Variants in HIVEP3 observed in about 807,000 individuals in gnomAD.
The protein encoded by HIVEP3 is HIVEP zinc finger 3.
HIVEP3 carries 49 observed loss-of-function variants against 152.8 expected under a neutral mutation model. That is an observed-to-expected ratio of 0.32 (90% confidence interval 0.26 to 0.41). The LOEUF is 0.41. HIVEP3 is among the 10% of genes least tolerant of loss of function. The pLI is 1.00. For missense variants in HIVEP3, 2,790 were observed against 3,103.3 expected (o/e 0.90, Z 2.40); for synonymous variants, 1,269 against 1,289.0 (o/e 0.98, Z 0.33).
At chr1:41,797,927 C>A (rs958965237) in intron 1 of HIVEP3, among the ~76,000 whole-genome samples, 2 of 152,016 alleles carry the variant, frequency 1.3e-5, no homozygotes, top group African/African-American at 4.8e-5. Flanking sequence ...TTGCAGTGAG[C>A]CGAGATCGCA....
chr1:41,757,695 G>GTATTTATT (rs56130199), intron 1 of HIVEP3, among the ~76,000 whole-genome samples: 15,719 of 145,110 alleles, frequency 0.11, 1,073 homozygotes, highest in East Asian at 0.21. Context: ...TTTCTACTTT[G>GTATTTATT]TATTTATTTA....
intron 1 of HIVEP3, among the ~76,000 whole-genome samples, chr1:41,746,522 G>A (rs1647074261): frequency 6.6e-6 from 1 of 152,178 alleles, no homozygotes. Flanking sequence ...TGAGCATGGG[G>A]TGCAAGAGCT....
intron 1 of HIVEP3, among the ~76,000 whole-genome samples, chr1:42,011,294 T>C (rs1276343202): frequency 6.6e-6 from 1 of 152,198 alleles, no homozygotes; most frequent in African/African-American, 2.4e-5. Context: ...ACCAATATAA[T>C]GTGGAGGGCA....
intron 1 of HIVEP3, among the ~76,000 whole-genome samples, chr1:41,843,285 A>T (rs1643342833): frequency 6.6e-6 from 1 of 152,250 alleles, no homozygotes; most frequent in African/African-American, 2.4e-5. Flanking sequence ...TCTCTACAAC[A>T]GTTGATGGAG....
At chr1:41,516,100 A>G (rs751386065) in intron 7 of HIVEP3, among the ~76,000 whole-genome samples, 5 of 147,396 alleles carry the variant, frequency 3.4e-5, no homozygotes, top group Non-Finnish European at 6.0e-5. Context: ...CTGGAAGCCA[A>G]GAGTCCCCTG....
intron 1 of HIVEP3, among the ~76,000 whole-genome samples, chr1:41,893,096 G>A (rs886537625): frequency 1.4e-4 from 20 of 147,546 alleles, no homozygotes; most frequent in South Asian, 2.2e-4. Context: ...GCACTCTAGC[G>A]TGGGTGACAA....
At chr1:41,731,651 G>A (rs1368665995) in intron 1 of HIVEP3, among the ~76,000 whole-genome samples, 1 of 152,204 alleles carries the variant, frequency 6.6e-6, no homozygotes, top group Non-Finnish European at 1.5e-5. Context: ...AGATGCCCAT[G>A]TGGGGAAGAA....
At chr1:41,536,836 C>T (rs1166929040) in intron 5 of HIVEP3, among the ~76,000 whole-genome samples, 1 of 152,178 alleles carries the variant, frequency 6.6e-6, no homozygotes, top group Non-Finnish European at 1.5e-5. Context: ...CCCATTTACA[C>T]AGGAGAAAAC....
chr1:41,601,127 G>A (rs141639159), intron 3 of HIVEP3, among the ~76,000 whole-genome samples: 1,656 of 152,198 alleles, frequency 0.011, 26 homozygotes, highest in African/African-American at 0.037. Context: ...CTGTCTTTAT[G>A]TCAGTACCAT....
intron 5 of HIVEP3, among the ~76,000 whole-genome samples, chr1:41,548,358 G>A (rs1158121323): frequency 6.6e-6 from 1 of 152,190 alleles, no homozygotes; most frequent in Non-Finnish European, 1.5e-5. Context: ...CTGCGCTCTT[G>A]GCTCCCAGCC....
intron 5 of HIVEP3, among the ~76,000 whole-genome samples, chr1:41,548,210 G>A (rs1643850928): frequency 6.6e-6 from 1 of 152,214 alleles, no homozygotes; most frequent in Admixed American, 6.5e-5. Context: ...GTGTGTATGT[G>A]TGTGTTGAGC....
intron 1 of HIVEP3, among the ~76,000 whole-genome samples, chr1:41,792,625 T>C (rs980220140): frequency 1.4e-4 from 21 of 152,232 alleles, no homozygotes; most frequent in Non-Finnish European, 2.2e-4. Context: ...AAACAGCTGC[T>C]GCAAGGAGAC....
chr1:41,527,747 T>A (rs1643043280), intron 5 of HIVEP3, among the ~76,000 whole-genome samples: 1 of 118,220 alleles, frequency 8.5e-6, no homozygotes. Flanking sequence ...CCCTACACCC[T>A]CGCATTCACC....
chr1:41,569,766 C>T (rs1332623476), intron 5 of HIVEP3, among the ~76,000 whole-genome samples: 1 of 152,170 alleles, frequency 6.6e-6, no homozygotes, highest in Non-Finnish European at 1.5e-5. Context: ...TGTACAAATG[C>T]ACTGTCACAA....
At chr1:41,805,373 A>G (rs1286591343) in intron 1 of HIVEP3, among the ~76,000 whole-genome samples, 2 of 152,228 alleles carry the variant, frequency 1.3e-5, no homozygotes, top group Non-Finnish European at 2.9e-5. Context: ...ACTACATGAA[A>G]CAATTTTTAA....
In HIVEP3 at chr1:41,637,834, G is replaced by A. The variant is rs1645300459; in HGVS notation, c.-720-8887C>T. Among the ~76,000 whole-genome samples the A allele has an allele frequency of 3.3e-5, 5 of 152,258 alleles. No homozygotes were observed. In the South Asian group the frequency reaches 1.0e-3, roughly 32 times the overall value. ...AGTATAGAGACAGAAGGTAGAATAG[G>A]GGTTGTCCGGAACTGGGGCAGAGCA... On this transcript the variant is annotated intron_variant, in intron 2 of 8. Coordinates refer to ENST00000372583, the MANE Select transcript of HIVEP3 (RefSeq NM_024503.5).
intron 2 of HIVEP3, among the ~76,000 whole-genome samples, chr1:41,636,959 C>CAAAAAAA (rs56258158): frequency 7.9e-6 from 1 of 127,132 alleles, no homozygotes. Flanking sequence ...AACTCCATCT[C>CAAAAAAA]AAAAAAAAAA....
At chr1:41,720,918 C>A (rs1646664534) in intron 1 of HIVEP3, among the ~76,000 whole-genome samples, 1 of 152,180 alleles carries the variant, frequency 6.6e-6, no homozygotes, top group African/African-American at 2.4e-5. Context: ...ACCTGGAGGA[C>A]ATTATGCTAA....
At chr1:41,980,308 ATG>A (rs1231303667) in intron 1 of HIVEP3, among the ~76,000 whole-genome samples, 1 of 152,250 alleles carries the variant, frequency 6.6e-6, no homozygotes, top group Non-Finnish European at 1.5e-5. Flanking sequence ...AACAGCCCAA[ATG>A]TCTATCTACT....
Sources: gnomAD v4.1 joint callset for allele counts (sites outside exome capture counted in the v4.1 genomes callset) on GRCh38, gnomAD v4.1.1 for gene constraint, MANE v1.5 for transcripts, NCBI Gene and HGNC (gene_info 2026-07-23, HGNC 2026-07-21) for gene names.